CNTNAP2: variants seen among roughly 807,000 people sequenced by gnomAD.
The protein encoded by CNTNAP2 is contactin associated protein 2.
CNTNAP2 carries 98 observed loss-of-function variants against 155.2 expected under a neutral mutation model. The ratio of observed to expected loss-of-function variants is 0.63; its 90% CI spans 0.54 to 0.75. CNTNAP2 has a LOEUF of 0.75. CNTNAP2 is among the 30% of genes least tolerant of loss of function. CNTNAP2 has a pLI of 0.00. For synonymous variants in CNTNAP2, 651 were observed against 631.2 expected (o/e 1.03, Z -0.47); for missense variants, 1,727 against 1,688.1 (o/e 1.02, Z -0.40).
chr7:146,749,877 G>T (rs1280550302), intron 1 of CNTNAP2, among the ~76,000 whole-genome samples: 2 of 152,074 alleles, frequency 1.3e-5, no homozygotes, highest in East Asian at 1.9e-4. Flanking sequence ...TCTGTCCCTT[G>T]TTATCTTCTC....
intron 1 of CNTNAP2, among the ~76,000 whole-genome samples, chr7:146,535,653 T>C (rs907850159): frequency 5.3e-5 from 8 of 151,556 alleles, no homozygotes; most frequent in African/African-American, 1.7e-4. Context: ...TACATATTCA[T>C]GTTTGTTACA....
At chr7:148,168,150 G>A (rs946811803) in intron 17 of CNTNAP2, among the ~76,000 whole-genome samples, 9 of 151,878 alleles carry the variant, frequency 5.9e-5, no homozygotes, top group Non-Finnish European at 1.3e-4. Context: ...GGAAGTCAGT[G>A]TGGCGATTCC....
At chr7:146,740,337 CTTA>C (rs1296636099) in intron 1 of CNTNAP2, among the ~76,000 whole-genome samples, 1 of 148,872 alleles carries the variant, frequency 6.7e-6, no homozygotes, top group African/African-American at 2.5e-5. Flanking sequence ...CATTTTTTTA[CTTA>C]TTATTATTAT....
At chr7:147,545,525 G>T (rs1272280893) in intron 11 of CNTNAP2, among the ~76,000 whole-genome samples, 3 of 152,148 alleles carry the variant, frequency 2.0e-5, no homozygotes, top group African/African-American at 4.8e-5. Flanking sequence ...ATTCGAATAG[G>T]TTATCAGTCT....
chr7:146,948,233 A>G (rs1797231634), intron 3 of CNTNAP2, among the ~76,000 whole-genome samples: 1 of 151,866 alleles, frequency 6.6e-6, no homozygotes, highest in Non-Finnish European at 1.5e-5. Flanking sequence ...TGCATATTGC[A>G]TGTGATATTT....
chr7:148,163,209 C>G (rs1039285917), intron 17 of CNTNAP2, among the ~76,000 whole-genome samples: 2 of 152,092 alleles, frequency 1.3e-5, no homozygotes, highest in South Asian at 2.1e-4. Context: ...AGCTATCCAG[C>G]CTGGGTGTGA....
chr7:147,476,721 G>A (rs2116619592), intron 10 of CNTNAP2, among the ~76,000 whole-genome samples: 1 of 152,172 alleles, frequency 6.6e-6, no homozygotes, highest in East Asian at 2.0e-4. Context: ...GAAGTCAGGA[G>A]TTCGAGACCA....
At chr7:148,210,710 G>A (rs931496682) in intron 18 of CNTNAP2, among the ~76,000 whole-genome samples, 3 of 152,336 alleles carry the variant, frequency 2.0e-5, no homozygotes, top group African/African-American at 7.2e-5. Flanking sequence ...AGAATGGCAG[G>A]AAATTGGTTA....
intron 4 of CNTNAP2, among the ~76,000 whole-genome samples, chr7:147,089,915 A>G (rs1245589658): frequency 6.6e-6 from 1 of 152,186 alleles, no homozygotes; most frequent in Non-Finnish European, 1.5e-5. Context: ...AAGCCTCCAA[A>G]ATACTTGTTT....
intron 4 of CNTNAP2, chr7:147,082,879 C>T (rs1254981095): frequency 6.6e-6 from 1 of 152,092 alleles, no homozygotes; most frequent in African/African-American, 2.4e-5. Context: ...GTGTCCTGAG[C>T]CTGGCTCCCA....
intron 1 of CNTNAP2, among the ~76,000 whole-genome samples, chr7:146,738,898 A>G (rs887557980): frequency 6.6e-6 from 1 of 150,972 alleles, no homozygotes; most frequent in Non-Finnish European, 1.5e-5. Context: ...GAATTAATCC[A>G]GTTAAGCTAG....
chr7:147,754,537 T>G (rs1210033261), intron 13 of CNTNAP2, among the ~76,000 whole-genome samples: 1 of 152,206 alleles, frequency 6.6e-6, no homozygotes, highest in African/African-American at 2.4e-5. Flanking sequence ...ATGTAAAAAC[T>G]AATGCAATGA....
chr7:147,830,178 A>T (rs1234637652), intron 13 of CNTNAP2, among the ~76,000 whole-genome samples: 3 of 139,492 alleles, frequency 2.2e-5, no homozygotes, highest in Non-Finnish European at 3.1e-5. Flanking sequence ...AAAAAAAAAA[A>T]ACATAAACTA....
chr7:147,825,599 A>G (rs139546304), intron 13 of CNTNAP2, among the ~76,000 whole-genome samples: 2 of 152,354 alleles, frequency 1.3e-5, no homozygotes, highest in East Asian at 3.9e-4. Context: ...AAAGAGACAT[A>G]ACATTTCTGT....
intron 13 of CNTNAP2, among the ~76,000 whole-genome samples, chr7:147,838,414 C>T (rs549243798): frequency 6.6e-6 from 1 of 152,144 alleles, no homozygotes; most frequent in African/African-American, 2.4e-5. Context: ...TTTTTTCTAT[C>T]ACATTGTCAG....
At chr7:147,959,415 T>C (rs1214436119) in intron 14 of CNTNAP2, among the ~76,000 whole-genome samples, 1 of 152,116 alleles carries the variant, frequency 6.6e-6, no homozygotes, top group Non-Finnish European at 1.5e-5. Flanking sequence ...AAAGTGGGGC[T>C]TAGCCCATGA....
At chr7:148,206,199 A>G (rs1321702934) in intron 18 of CNTNAP2, among the ~76,000 whole-genome samples, 1 of 148,188 alleles carries the variant, frequency 6.7e-6, no homozygotes, top group Non-Finnish European at 1.5e-5. Flanking sequence ...GGAATTACAT[A>G]TAATATATAT....
At chr7:147,669,042 C>T (rs1313110628) in intron 13 of CNTNAP2, among the ~76,000 whole-genome samples, 1 of 152,040 alleles carries the variant, frequency 6.6e-6, no homozygotes, top group Non-Finnish European at 1.5e-5. Flanking sequence ...TTACAGTTGC[C>T]TAAGGTATCC....
chr7:147,131,330 T>C (rs7385969), intron 7 of CNTNAP2, among the ~76,000 whole-genome samples: 60,811 of 151,296 alleles, frequency 0.4, 13,190 homozygotes, highest in East Asian at 0.63. Flanking sequence ...AATGAAAATA[T>C]CATCCAATTA....
Sources: allele counts gnomAD v4.1 joint callset (sites outside exome capture counted in the v4.1 genomes callset), GRCh38; gene constraint gnomAD v4.1.1; transcripts MANE v1.5; gene names NCBI Gene and HGNC (gene_info 2026-07-23, HGNC 2026-07-21).